The following PRKCE variants were observed in gnomAD, a reference collection of about 807,000 sequenced individuals.
The protein encoded by PRKCE is protein kinase C epsilon.
PRKCE carries 16 observed loss-of-function variants against 85.4 expected under a neutral mutation model. That is an observed-to-expected ratio of 0.19 (90% confidence interval 0.13 to 0.28). PRKCE has a LOEUF of 0.28. Ranked by LOEUF, PRKCE falls within the 10% of genes least tolerant of loss-of-function variation. The probability of loss-of-function intolerance (pLI) is 1.00; values close to 1 mark genes in which losing one functional copy is unlikely to be tolerated. For synonymous variants in PRKCE, 388 were observed against 371.5 expected, an observed-to-expected ratio of 1.04 and a Z score of -0.51; for missense variants, 573 against 975.2, an observed-to-expected ratio of 0.59 and a Z score of 5.49.
At chr2:45,765,708 T>G (rs1684858552) in intron 1 of PRKCE, among the ~76,000 whole-genome samples, 1 of 152,212 alleles carries the variant, frequency 6.6e-6, no homozygotes, top group Non-Finnish European at 1.5e-5. Flanking sequence ...TCTGGACTGT[T>G]GACCCCCACG....
Position 45,732,636 on chromosome 2 carries a change from T to A in PRKCE, c.348+80188T>A, listed in dbSNP as rs1040251365. 2.5e-4 allele frequency among the ~76,000 whole-genome samples: 38 copies of A among 152,310 alleles called. No individual in the cohort carries two copies. The East Asian group carries it at 6.9e-3, about 28-fold the overall frequency. On this transcript the variant is annotated intron_variant, in intron 1 of 14. Coordinates refer to ENST00000306156, the MANE Select transcript of PRKCE (RefSeq NM_005400.3). ...GCTTCCTCCAGGAAGTCTTCCCGGA[T>A]CCTCCAAATCCAGCTACACATAGCT...
Position 46,185,135 on chromosome 2 carries a change from C to T in PRKCE, c.*254C>T, listed in dbSNP as rs1371529162. ...GGTCAGCAATTAGCTGTATACACTG[C>T]CGTGTTTGGACCATTGGCAAGCCTG... On this transcript the variant is annotated 3_prime_UTR_variant, in exon 15 of 15. Transcript: ENST00000306156. This position sits in a 1 kb window ranked among gnomAD's most constrained non-coding sequence, Gnocchi z 4.7. 2 of 462,568 alleles carry T rather than the reference C, an allele frequency of 4.3e-6. No homozygotes were observed. The highest frequency in any genetic ancestry group is 2.0e-5 in the African/African-American group (1 of 50,472). 28.7% of individuals were successfully genotyped at this position (462,568 alleles called of 1,614,324 possible).
chr2:45,703,601 C>T lies in PRKCE; in HGVS notation c.348+51153C>T, dbSNP rs146619641. On this transcript the variant is annotated intron_variant, in intron 1 of 14. Transcript: ENST00000306156. ...GGAAGCTCATTGACGGTAGAGGCAC[C>T]TTTTTTTTGGAGTCTCCAGAGAACC... Among the ~76,000 whole-genome samples the T allele has an allele frequency of 1.6e-3, 250 of 151,596 alleles. 4 individuals are homozygous for T. In the East Asian group the frequency reaches 0.034, roughly 21 times the overall value.
At chr2:46,037,334 A>G (rs1707930070) in intron 10 of PRKCE, among the ~76,000 whole-genome samples, 1 of 152,210 alleles carries the variant, frequency 6.6e-6, no homozygotes, top group South Asian at 2.1e-4. Context: ...AGTCAGGCCT[A>G]TCTGCAAGCA....
intron 1 of PRKCE, among the ~76,000 whole-genome samples, chr2:45,812,441 G>A (rs1375277582): frequency 6.6e-6 from 1 of 152,170 alleles, no homozygotes; most frequent in African/African-American, 2.4e-5. Context: ...CTGTGCAGGG[G>A]ATCCCATAGA....
chr2:45,841,966 C>G (rs925250310), intron 1 of PRKCE, among the ~76,000 whole-genome samples: 3 of 152,158 alleles, frequency 2.0e-5, no homozygotes, highest in Non-Finnish European at 4.4e-5. Flanking sequence ...GGGGAGAGAG[C>G]CTGGCACTAT....
chr2:46,133,447 G>A (rs1254099069), intron 11 of PRKCE, among the ~76,000 whole-genome samples: 1 of 152,158 alleles, frequency 6.6e-6, no homozygotes, highest in Non-Finnish European at 1.5e-5. Flanking sequence ...AACAGGGATT[G>A]TGTCTTTCTT....
chr2:46,021,363 C>T (rs1020956265), intron 10 of PRKCE, among the ~76,000 whole-genome samples: 45 of 152,232 alleles, frequency 3.0e-4, no homozygotes, highest in African/African-American at 1.0e-3. Context: ...GACAGCTCTG[C>T]GTAGCCTGCA....
At chr2:45,718,968 A>G (rs960600216) in intron 1 of PRKCE, among the ~76,000 whole-genome samples, 1 of 152,260 alleles carries the variant, frequency 6.6e-6, no homozygotes, top group African/African-American at 2.4e-5. Flanking sequence ...AGCCTTTAAT[A>G]TGCTAATATA....
chr2:46,094,260 C>T (rs1356476893), intron 11 of PRKCE, among the ~76,000 whole-genome samples: 7 of 152,164 alleles, frequency 4.6e-5, no homozygotes, highest in Non-Finnish European at 8.8e-5. Flanking sequence ...CTCCTGGTTC[C>T]AGTATTCCTT....
chr2:45,719,718 A>G (rs1573055629), intron 1 of PRKCE, among the ~76,000 whole-genome samples: 2 of 152,270 alleles, frequency 1.3e-5, no homozygotes, highest in African/African-American at 4.8e-5. Context: ...CCCTTTTACA[A>G]TCTAGATCAA....
At chr2:45,671,692 A>G (rs1676167886) in intron 1 of PRKCE, among the ~76,000 whole-genome samples, 1 of 152,192 alleles carries the variant, frequency 6.6e-6, no homozygotes, top group Non-Finnish European at 1.5e-5. Context: ...TCTGCTATAT[A>G]ATAAGAGATA....
chr2:46,159,361 G>C lies in PRKCE; in HGVS notation c.1921-245G>C, dbSNP rs895763218. ...CGTTTATAATATAGAGACAATGATAGTACCTCGTAGGGCATTAGGATGAAA... is the reference window on the plus strand; with the variant it reads ...CGTTTATAATATAGAGACAATGATACTACCTCGTAGGGCATTAGGATGAAA... On this transcript the variant is annotated intron_variant, in intron 13 of 14. Transcript: ENST00000306156. The surrounding 1 kb of genome is among the most constrained non-coding windows in gnomAD (Gnocchi z 4.1). Among the ~76,000 whole-genome samples, 1 of 152,188 alleles carries C rather than the reference G, an allele frequency of 6.6e-6. No individual in the cohort carries two copies. Among genetic ancestry groups the C allele is most frequent in the Non-Finnish European group, 1.5e-5 (1 of 68,048 alleles).
intron 5 of PRKCE, among the ~76,000 whole-genome samples, chr2:45,982,165 C>T (rs1370679451): frequency 6.6e-6 from 1 of 152,234 alleles, no homozygotes; most frequent in Admixed American, 6.5e-5. Flanking sequence ...CCACCTTGTG[C>T]TTCCAGAGGC....
At chr2:46,089,580 C>T (rs951769282) in intron 11 of PRKCE, among the ~76,000 whole-genome samples, 14 of 152,190 alleles carry the variant, frequency 9.2e-5, no homozygotes, top group African/African-American at 3.4e-4. Context: ...CTTTGGGAAC[C>T]AGACCCCTTC....
intron 11 of PRKCE, among the ~76,000 whole-genome samples, chr2:46,142,777 G>T (rs1259756416): frequency 6.6e-6 from 1 of 152,252 alleles, no homozygotes; most frequent in Non-Finnish European, 1.5e-5. Context: ...CCCACCTGAG[G>T]CAATCCTGGG....
intron 11 of PRKCE, among the ~76,000 whole-genome samples, chr2:46,097,271 C>A (rs140662290): frequency 0.011 from 1,649 of 152,236 alleles, 31 homozygotes; most frequent in African/African-American, 0.036. Flanking sequence ...GTAATCCCAA[C>A]ACTTTGGGAG....
At position 45,697,545 on chromosome 2, in the gene PRKCE, C is replaced by T. The variant is rs1013158147; in HGVS notation, c.348+45097C>T. Among the ~76,000 whole-genome samples the T allele has an allele frequency of 1.3e-5, 2 of 152,178 alleles. No homozygotes were observed. Among genetic ancestry groups the T allele is most frequent in the African/African-American group, 2.4e-5 (1 of 41,432 alleles). On this transcript the variant is annotated intron_variant, in intron 1 of 14. Coordinates refer to ENST00000306156, the MANE Select transcript of PRKCE (RefSeq NM_005400.3). The surrounding 1 kb of genome is among the most constrained non-coding windows in gnomAD (Gnocchi z 4.2). ...GACAGAGAACAGGCTCTGCTCTTCA[C>T]TCAGGGTGGACTGGTTGGCATCTCT...
At chr2:46,094,532 A>C (rs1280025914) in intron 11 of PRKCE, among the ~76,000 whole-genome samples, 1 of 152,110 alleles carries the variant, frequency 6.6e-6, no homozygotes, top group African/African-American at 2.4e-5. Flanking sequence ...CAGGAACAGA[A>C]AAGCAAACAC....
Sources: gnomAD v4.1 joint callset for allele counts (sites outside exome capture counted in the v4.1 genomes callset) on GRCh38, gnomAD v4.1.1 for gene constraint, Gnocchi (gnomAD v3.1) non-coding constraint, MANE v1.5 for transcripts, NCBI Gene and HGNC (gene_info 2026-07-23, HGNC 2026-07-21) for gene names.